Variants in MARVELD2 observed in about 807,000 individuals in gnomAD.
MARVELD2 encodes the protein MARVEL domain containing 2.
In MARVELD2, 49 loss-of-function variants were observed where a neutral mutation model predicts 57.6. That is an observed-to-expected ratio of 0.85 (90% confidence interval 0.68 to 1.08). The LOEUF (loss-of-function observed/expected upper bound fraction) is 1.08. Among genes scored for constraint, MARVELD2 ranks in the 50% least tolerant of loss-of-function variants. The pLI, the probability that MARVELD2 is intolerant of heterozygous loss-of-function variation, is 0.00. For missense variants in MARVELD2, 606 were observed against 701.1 expected (o/e 0.86, Z 1.53); for synonymous variants, 238 against 258.8 (o/e 0.92, Z 0.77).
rs925983929 is a variant in MARVELD2, at chr5:69,443,143, A to T, written c.*1489A>T. On this transcript the variant is annotated 3_prime_UTR_variant, in exon 7 of 7. Transcript: ENST00000325631. ...CGCGCCCAGCTGGTATTGCTTTTCT[A>T]TTCCCTTTGGACATACATGCTACAG... The T allele has an allele frequency of 6.7e-6, 1 of 148,922 alleles. No individual in the cohort carries two copies. The highest frequency in any genetic ancestry group is 2.1e-4 in the South Asian group (1 of 4,700). The allele number at this position is 148,922 out of a possible 1,614,324, so 9.2% of individuals were successfully genotyped here. A position where few individuals can be genotyped will look rare whatever the true frequency, so the allele number is the denominator to read the frequency against.
chr5:69,434,151 C>T (rs1365460931), intron 5 of MARVELD2, among the ~76,000 whole-genome samples: 2 of 151,938 alleles, frequency 1.3e-5, no homozygotes, highest in East Asian at 1.9e-4. Context: ...AAAGGCAGAG[C>T]GCCCACTGAG....
chr5:69,420,400 G>A lies in MARVELD2; in HGVS notation c.1015G>A (p.Gly339Arg), dbSNP rs1405228526. 8.1e-6 allele frequency: 13 copies of A among 1,614,024 alleles called. No homozygotes were observed. Among genetic ancestry groups the A allele is most frequent in the Admixed American group, 1.7e-5 (1 of 60,030 alleles). Reference sequence around the variant, plus strand: ...GAATGCAGTGTTCTGCCGGGTAGAAGGAGGACAGATAGCTGCAATGATCTT... The same window carrying A: ...GAATGCAGTGTTCTGCCGGGTAGAAAGAGGACAGATAGCTGCAATGATCTT... ...PVNAVFCRVE[G>R]GQIAAMIFLF... Residue 339 changes from glycine (G) to arginine (R), a missense_variant, in exon 2 of 7, where the codon GGA becomes AGA. By Grantham distance (125) the Gly-to-Arg change is moderately radical. Transcript: ENST00000325631.
intron 3 of MARVELD2, among the ~76,000 whole-genome samples, chr5:69,425,390 A>G (rs2150920413): frequency 6.8e-6 from 1 of 147,908 alleles, no homozygotes; most frequent in Admixed American, 6.9e-5. Flanking sequence ...AACTTAAAGT[A>G]TAATAAAAAA....
At chr5:69,441,503 C>T in intron 6 of MARVELD2, 29 bp from the exon 7 acceptor site, 1 of 1,604,366 alleles carries the variant, frequency 6.2e-7, no homozygotes, top group South Asian at 1.1e-5. Flanking sequence ...AAGCCAGGAG[C>T]CAAAATAATA....
At chr5:69,433,910 TTC>T (rs1767054138) in intron 5 of MARVELD2, among the ~76,000 whole-genome samples, 1 of 152,094 alleles carries the variant, frequency 6.6e-6, no homozygotes, top group Non-Finnish European at 1.5e-5. Context: ...ACAGTATTTC[TTC>T]TTTTTTTTTT....
intron 5 of MARVELD2, among the ~76,000 whole-genome samples, chr5:69,437,965 C>T (rs1412169376): frequency 1.3e-5 from 2 of 152,172 alleles, no homozygotes; most frequent in African/African-American, 4.8e-5. Context: ...TCAGTGTATC[C>T]TCCAGTCCTT....
chr5:69,423,173 G>A (rs299095), intron 2 of MARVELD2, among the ~76,000 whole-genome samples: 72,821 of 152,022 alleles, frequency 0.48, 17,584 homozygotes, highest in South Asian at 0.54. Context: ...TAGGATTACA[G>A]GCGTGAGCCA....
At chr5:69,416,844 G>A (rs1172812242) in intron 1 of MARVELD2, among the ~76,000 whole-genome samples, 1 of 152,114 alleles carries the variant, frequency 6.6e-6, no homozygotes, top group African/African-American at 2.4e-5. Context: ...TTTACCTCTT[G>A]CCTTCTGGAG....
At chr5:69,418,322 GTTAA>G (rs1282354335) in intron 1 of MARVELD2, among the ~76,000 whole-genome samples, 3 of 152,172 alleles carry the variant, frequency 2.0e-5, no homozygotes, top group African/African-American at 4.8e-5. Context: ...AAAACTAGTA[GTTAA>G]TTCACAAATG....
At chr5:69,438,246 C>G (rs574790301) in intron 5 of MARVELD2, among the ~76,000 whole-genome samples, 3 of 152,272 alleles carry the variant, frequency 2.0e-5, no homozygotes, top group African/African-American at 7.2e-5. Context: ...CCTCACCACT[C>G]CTTAAATTCA....
rs1766622963 is a variant in MARVELD2, at chr5:69,421,471, A to G, written c.1146+940A>G. Among the ~76,000 whole-genome samples the G allele has an allele frequency of 2.0e-5, 3 of 152,228 alleles. No homozygotes were observed. In the South Asian group the frequency reaches 6.2e-4, roughly 31 times the overall value. On this transcript the variant is annotated intron_variant, in intron 2 of 6. Coordinates refer to ENST00000325631, the MANE Select transcript of MARVELD2 (RefSeq NM_001038603.3). ...CCACTTTTCCTAAGACTTCTTAGAT[A>G]CTATACAATTGCACATGGTATATAT...
intron 1 of MARVELD2, chr5:69,419,037 T>G: frequency 2.7e-6 from 1 of 368,256 alleles, no homozygotes; most frequent in South Asian, 2.9e-5. Flanking sequence ...AAGCGGTCTA[T>G]ACCTCAGCCA....
At chr5:69,415,597 C>G (rs1210836598) in intron 1 of MARVELD2, 2 of 152,250 alleles carry the variant, frequency 1.3e-5, no homozygotes, top group Admixed American at 6.5e-5. Flanking sequence ...GACCCCACAG[C>G]TAAAATGCTC....
intron 3 of MARVELD2, among the ~76,000 whole-genome samples, chr5:69,431,044 C>T (rs1325893530): frequency 3.3e-5 from 5 of 151,462 alleles, no homozygotes; most frequent in Non-Finnish European, 7.4e-5. Context: ...CACCTCCCAC[C>T]TCAGCCTCCC....
chr5:69,437,020 C>T (rs576849486), intron 5 of MARVELD2, among the ~76,000 whole-genome samples: 1 of 151,746 alleles, frequency 6.6e-6, no homozygotes, highest in South Asian at 2.1e-4. Flanking sequence ...GAAACCGCGT[C>T]TCTACTAAAA....
intron 5 of MARVELD2, 60 bp downstream of exon 5, chr5:69,433,153 C>CTTT (rs11345515): frequency 0.021 from 9,799 of 466,548 alleles, 5 homozygotes; most frequent in South Asian, 0.035. Flanking sequence ...TAAAATCTGG[C>CTTT]TTTTTTTTTT....
intron 3 of MARVELD2, among the ~76,000 whole-genome samples, chr5:69,429,776 C>T (rs1766901167): frequency 6.9e-6 from 1 of 145,900 alleles, no homozygotes; most frequent in Admixed American, 7.0e-5. Context: ...CCCAGGAGTT[C>T]GAGGCTGCAG....
rs1030817425 is a variant in MARVELD2 at position 69,441,557 on chromosome 5, A to G, written c.1580A>G (p.Glu527Gly). Residue 527 changes from glutamate (E) to glycine (G), a missense_variant, in exon 7 of 7, where the codon GAA becomes GGA. Transcript: ENST00000325631. Reference protein sequence around the residue: ...KNDPTFLEKKERCDYLKNKLS... With the variant: ...KNDPTFLEKKGRCDYLKNKLS... ...GATCCTACATTTCTGGAAAAAAAAG[A>G]ACGCTGTGATTACCTAAAGAATAAA... The G allele has an allele frequency of 2.5e-6, 4 of 1,609,130 alleles. No individual in the cohort carries two copies. Among genetic ancestry groups the G allele is most frequent in the Admixed American group, 3.3e-5 (2 of 59,908 alleles).
rs1330569411 is a variant in MARVELD2 at position 69,437,492 on chromosome 5, G to A, written c.1504-2958G>A. 3.3e-5 allele frequency among the ~76,000 whole-genome samples: 5 copies of A among 151,414 alleles called. No individual in the cohort carries two copies. In the South Asian group the frequency reaches 6.3e-4, roughly 19 times the overall value. ...GAGGTCAGGAGATCGAGACCAGCCT[G>A]GCCAGCATAGTGAAACCCCGTCCCT... On this transcript the variant is annotated intron_variant, in intron 5 of 6. Transcript: ENST00000325631.
Sources: allele counts gnomAD v4.1 joint callset (sites outside exome capture counted in the v4.1 genomes callset), GRCh38; gene constraint gnomAD v4.1.1; transcripts MANE v1.5; gene names NCBI Gene and HGNC (gene_info 2026-07-23, HGNC 2026-07-21).